NUP214: variants seen among roughly 807,000 people sequenced by gnomAD.
NUP214 encodes nuclear pore complex protein Nup214.
NUP214 carries 79 observed loss-of-function variants against 196.2 expected under a neutral mutation model. The ratio of observed to expected loss-of-function variants is 0.40; its 90% CI spans 0.34 to 0.49. The LOEUF is 0.49. Ranked by LOEUF, NUP214 falls within the 20% of genes least tolerant of loss-of-function variation. NUP214 has a pLI of 0.58. For synonymous variants in NUP214, 1,020 were observed against 990.5 expected (o/e 1.03, Z -0.56); for missense variants, 2,468 against 2,539.0 (o/e 0.97, Z 0.60).
chr9:131,154,241 C>T (rs1832364194), intron 17 of NUP214, among the ~76,000 whole-genome samples: 1 of 151,860 alleles, frequency 6.6e-6, no homozygotes, highest in African/African-American at 2.4e-5. Context: ...TTAAAAATTT[C>T]AATAGTTTTT....
At chr9:131,137,578 G>T (rs1428491149) in intron 9 of NUP214, among the ~76,000 whole-genome samples, 2 of 127,980 alleles carry the variant, frequency 1.6e-5, no homozygotes, top group African/African-American at 2.9e-5. Context: ...TTTTTTTTGA[G>T]GCCAAGTCTC....
intron 18 of NUP214, among the ~76,000 whole-genome samples, chr9:131,161,637 G>A (rs1040390792): frequency 3.3e-5 from 5 of 152,184 alleles, no homozygotes; most frequent in African/African-American, 4.8e-5. Flanking sequence ...ACTCAAAGAG[G>A]TAATGGGAAA....
chr9:131,219,363 G>A (rs1278650096), intron 31 of NUP214, among the ~76,000 whole-genome samples: 1 of 152,194 alleles, frequency 6.6e-6, no homozygotes, highest in Non-Finnish European at 1.5e-5. Context: ...GCATGGAAAA[G>A]ACCCCATTAT....
intron 13 of NUP214, among the ~76,000 whole-genome samples, chr9:131,147,167 T>C (rs536515758): frequency 2.6e-5 from 4 of 152,108 alleles, no homozygotes; most frequent in East Asian, 1.9e-4. Context: ...TTAAATTTTT[T>C]TGTAGAGACA....
At chr9:131,192,462 C>T (rs1055887879) in intron 27 of NUP214, 170 bp downstream of exon 27, 3 of 442,302 alleles carry the variant, frequency 6.8e-6, no homozygotes, top group Non-Finnish European at 1.2e-5. Context: ...TCATGTAAAT[C>T]GATTTTCCCT....
chr9:131,137,400 C>T (rs1321639818), intron 9 of NUP214, among the ~76,000 whole-genome samples: 1 of 152,106 alleles, frequency 6.6e-6, no homozygotes, highest in Non-Finnish European at 1.5e-5. Flanking sequence ...TAGTTTTAGA[C>T]CTTACTGACT....
intron 1 of NUP214, chr9:131,126,535 A>G (rs998930412): frequency 3.3e-5 from 5 of 150,722 alleles, no homozygotes; most frequent in African/African-American, 1.2e-4. Flanking sequence ...TAGTAATACC[A>G]TGTTTAGAAT....
At chr9:131,132,817 T>C (rs1831597557) in intron 6 of NUP214, 158 bp downstream of exon 6, 4 of 672,440 alleles carry the variant, frequency 5.9e-6, no homozygotes, top group African/African-American at 3.6e-5. Context: ...GTGTAAATTA[T>C]GGCCCTCTGG....
chr9:131,222,966 A>G (rs370072676), intron 32 of NUP214, 36 bp downstream of exon 32: 2 of 1,598,528 alleles, frequency 1.3e-6, no homozygotes, highest in Non-Finnish European at 1.7e-6. Context: ...TTATCTTTAT[A>G]TATGTATTTG....
chr9:131,129,326 T>C lies in NUP214; in HGVS notation c.441T>C (p.Asp147=). 3 of 1,614,244 alleles carry C rather than the reference T, an allele frequency of 1.9e-6. No individual in the cohort carries two copies. Among genetic ancestry groups the C allele is most frequent in the African/African-American group, 1.3e-5 (1 of 75,066 alleles). ...TTGCCTATCATAAGCTTTTGAAAGA[T>C]GCAGGAGGCATGGTGATTGATATGA... is the stretch of plus-strand genomic sequence containing the variant. ...RPFAYHKLLK[D]AGGMVIDMKW... Residue 147 remains aspartate, a synonymous_variant, in exon 4 of 36, where the codon GAT becomes GAC. Coordinates refer to ENST00000359428, the MANE Select transcript of NUP214 (RefSeq NM_005085.4).
chr9:131,154,956 C>T (rs1323328016), intron 17 of NUP214, among the ~76,000 whole-genome samples: 3 of 152,198 alleles, frequency 2.0e-5, no homozygotes, highest in African/African-American at 4.8e-5. Context: ...TGTAAACATG[C>T]GTGTGCAAGT....
Position 131,228,324 on chromosome 9 carries a change from G to C in NUP214, c.6067G>C (p.Gly2023Arg). 1 of 1,584,904 alleles carries C rather than the reference G, an allele frequency of 6.3e-7. No individual in the cohort carries two copies. Reference protein sequence around the residue: ...GEGTAAASAGGFGFGSSSNTT... With the variant: ...GEGTAAASAGRFGFGSSSNTT... ...GGGCACTGCAGCTGCCAGCGCAGGAGGATTCGGGTAAGCCCCCTGGGGAGG... is the reference window on the plus strand; with the variant it reads ...GGGCACTGCAGCTGCCAGCGCAGGACGATTCGGGTAAGCCCCCTGGGGAGG... The change falls in exon 33 of 36, where the codon GGA becomes CGA. Residue 2023 changes from glycine (G) to arginine (R), a missense_variant. By Grantham distance (125) the Gly-to-Arg change is moderately radical. Around this residue, in one of 5 missense-constraint regions of NUP214, gnomAD observed 262 missense variants for 296.5 expected, o/e 0.88. Coordinates refer to ENST00000359428, the MANE Select transcript of NUP214 (RefSeq NM_005085.4).
intron 15 of NUP214, 71 bp from the exon 16 acceptor site, chr9:131,150,545 G>C (rs1266911635): frequency 1.3e-5 from 21 of 1,590,758 alleles, no homozygotes; most frequent in Admixed American, 3.4e-5. Flanking sequence ...TGAGCAGTTA[G>C]TAAGCACGAT....
At chr9:131,149,907 G>GTGCTTCCTGAAGATCTCATAGCT (rs1832205442) in intron 14 of NUP214, 1 of 157,216 alleles carries the variant, frequency 6.4e-6, no homozygotes, top group Non-Finnish European at 1.4e-5. Flanking sequence ...TGCCTGGCAG[G>GTGCTTCCTGAAGATCTCATAGCT]TGCTTCCTGA....
chr9:131,184,020 C>CTTT (rs1833370458), intron 24 of NUP214, among the ~76,000 whole-genome samples: 1 of 129,322 alleles, frequency 7.7e-6, no homozygotes, highest in African/African-American at 2.9e-5. Context: ...TTTCTTTTTT[C>CTTT]TTTTTCTTTT....
At chr9:131,190,429 A>G (rs1056932459) in intron 26 of NUP214, 2 of 693,078 alleles carry the variant, frequency 2.9e-6, no homozygotes, top group African/African-American at 1.8e-5. Flanking sequence ...ATTGCTGATC[A>G]TGAAATCCTC....
intron 21 of NUP214, among the ~76,000 whole-genome samples, chr9:131,166,613 C>T (rs1245149961): frequency 2.0e-5 from 3 of 152,082 alleles, no homozygotes; most frequent in Non-Finnish European, 4.4e-5. Context: ...ATTAAGTGCA[C>T]AAAACAAAAA....
Position 131,232,462 on chromosome 9 carries a change from G to C in NUP214, c.6239+154G>C. The stretch of plus-strand genomic sequence containing the variant: ...GTGGGGGTTCAGCAGCAGGGTTTGG[G>C]TTTTGTGGACTTGCTCTTCTCTGTA... On this transcript the variant is annotated intron_variant, in intron 35 of 35. Coordinates refer to ENST00000359428, the MANE Select transcript of NUP214 (RefSeq NM_005085.4). The surrounding 1 kb of genome is among the most constrained non-coding windows in gnomAD (Gnocchi z 5.1). The C allele has an allele frequency of 1.3e-6, 1 of 784,586 alleles. No homozygotes were observed. The highest frequency in any genetic ancestry group is 2.2e-6 in the Non-Finnish European group (1 of 453,704). 48.6% of individuals were successfully genotyped at this position (784,586 alleles called of 1,614,324 possible).
Position 131,228,143 on chromosome 9 carries a change from G to T in NUP214, c.5903-17G>T. On this transcript the variant is annotated splice_polypyrimidine_tract_variant and intron_variant, in intron 32 of 35. Coordinates refer to ENST00000359428, the MANE Select transcript of NUP214 (RefSeq NM_005085.4). ...TCTTTCTCCCTATTTCTGTTTGTTT[G>T]CCTCTGTTTTGCTCAGGTGGCTTCG... The T allele has an allele frequency of 6.5e-7, 1 of 1,533,672 alleles. No homozygotes were observed. Among genetic ancestry groups the T allele is most frequent in the Non-Finnish European group, 8.7e-7 (1 of 1,143,458 alleles).
Sources: gnomAD v4.1 joint callset for allele counts (sites outside exome capture counted in the v4.1 genomes callset) on GRCh38, gnomAD v4.1.1 for gene constraint, gnomAD v4.1.1 regional missense constraint, Gnocchi (gnomAD v3.1) non-coding constraint, MANE v1.5 for transcripts, NCBI Gene and HGNC (gene_info 2026-07-23, HGNC 2026-07-21) for gene names.